AURKB: variants seen among roughly 807,000 people sequenced by gnomAD.
AURKB encodes aurora kinase B-Sv1.
A neutral mutation model predicts 36.5 loss-of-function variants in AURKB; 28 were observed. The observed-to-expected ratio is 0.77, with a 90% confidence interval of 0.57 to 1.05. The LOEUF (loss-of-function observed/expected upper bound fraction) is 1.05. Ranked by LOEUF, AURKB falls within the 50% of genes least tolerant of loss-of-function variation. The probability of loss-of-function intolerance (pLI) is 0.00; values close to 1 mark genes in which losing one functional copy is unlikely to be tolerated. For synonymous variants in AURKB, 175 were observed against 172.9 expected (o/e 1.01, Z -0.09); for missense variants, 383 against 447.4 (o/e 0.86, Z 1.30).
At chr17:8,207,053 A>G (rs970657376) in intron 5 of AURKB, 123 bp downstream of exon 5, 1 of 1,443,640 alleles carries the variant, frequency 6.9e-7, no homozygotes, top group Non-Finnish European at 9.3e-7. Flanking sequence ...TGCCAGGACT[A>G]AGAGCTAAAT....
chr17:8,206,875 G>A lies in AURKB; in HGVS notation c.412C>T (p.Leu138=), dbSNP rs764386543. ...IQAHLHHPNI[L]RLYNYFYDRR... ...TCATAAAAATAGTTGTAGAGACGCA[G>A]GATGTTGGGATGGCTGGGGGAAGAG... The change falls in exon 6 of 9, where the codon CTG becomes TTG. Residue 138 remains leucine (L), a synonymous_variant. Transcript: ENST00000585124. The surrounding 1 kb of genome is among the most constrained non-coding windows in gnomAD (Gnocchi z 4.2). 3.8e-5 allele frequency: 62 copies of A among 1,614,250 alleles called. No individual in the cohort carries two copies. The highest frequency in any genetic ancestry group is 5.3e-5 in the Non-Finnish European group (62 of 1,180,046).
Position 8,206,862 on chromosome 17 carries a change from T to A in AURKB, c.425A>T (p.Asn142Ile). The change falls in exon 6 of 9, where the codon AAC becomes ATC. Residue 142 changes from asparagine to isoleucine, a missense_variant. By Grantham distance (149) the Asn-to-Ile change is moderately radical. Around this residue, in one of 3 missense-constraint regions of AURKB, gnomAD observed 59 missense variants for 99.0 expected, o/e 0.60. Transcript: ENST00000585124. The surrounding 1 kb of genome is among the most constrained non-coding windows in gnomAD (Gnocchi z 4.2). ...LHHPNILRLY[N>I]YFYDRRRIYL... The stretch of plus-strand genomic sequence containing the variant: ...GATCCTCCTCCGGTCATAAAAATAG[T>A]TGTAGAGACGCAGGATGTTGGGATG... 1 of 1,614,156 alleles carries A rather than the reference T, an allele frequency of 6.2e-7. No individual in the cohort carries two copies. Among genetic ancestry groups the A allele is most frequent in the Non-Finnish European group, 8.5e-7 (1 of 1,180,034 alleles).
At chr17:8,207,026 T>G in intron 5 of AURKB, 138 bp from the exon 6 acceptor site, 1 of 1,474,608 alleles carries the variant, frequency 6.8e-7, no homozygotes, top group Non-Finnish European at 9.1e-7. Context: ...TGGAGGCAGA[T>G]TTCTGGATTC....
chr17:8,206,966 A>T lies in AURKB; in HGVS notation c.399-78T>A. ...AAGATGATAGGAGCAAACTGGGGTCAGACGTGGCCCAGGCCGGGGACACCA... is the reference window on the plus strand; with the variant it reads ...AAGATGATAGGAGCAAACTGGGGTCTGACGTGGCCCAGGCCGGGGACACCA... On this transcript the variant is annotated intron_variant, in intron 5 of 8. Coordinates refer to ENST00000585124, the MANE Select transcript of AURKB (RefSeq NM_004217.4). The surrounding 1 kb of genome is among the most constrained non-coding windows in gnomAD (Gnocchi z 4.2). 1.2e-6 allele frequency: 2 copies of T among 1,602,156 alleles called. No homozygotes were observed. Among genetic ancestry groups the T allele is most frequent in the Non-Finnish European group, 1.7e-6 (2 of 1,175,396 alleles).
chr17:8,209,732 T>G (rs999629801), intron 2 of AURKB, among the ~76,000 whole-genome samples: 1 of 152,236 alleles, frequency 6.6e-6, no homozygotes, highest in Non-Finnish European at 1.5e-5. Flanking sequence ...TTAGATCCAT[T>G]TAGATTCTTA....
At chr17:8,209,951 C>T in intron 2 of AURKB, 1 of 617,658 alleles carries the variant, frequency 1.6e-6, no homozygotes, top group East Asian at 2.8e-5. Context: ...CAGAGGTCCT[C>T]ACCAGCTGGG....
Position 8,206,570 on chromosome 17 carries a change from G to A in AURKB, c.607C>T (p.Pro203Ser). 1.9e-6 allele frequency: 3 copies of A among 1,614,180 alleles called. No individual in the cohort carries two copies. Among genetic ancestry groups the A allele is most frequent in the Non-Finnish European group, 2.5e-6 (3 of 1,180,034 alleles). The change falls in exon 7 of 9, where the codon CCA (proline) becomes TCA (serine). Residue 203 changes from proline (P) to serine (S), a missense_variant. Coordinates refer to ENST00000585124, the MANE Select transcript of AURKB (RefSeq NM_004217.4). The surrounding 1 kb of genome is among the most constrained non-coding windows in gnomAD (Gnocchi z 4.2). ...GKKVIHRDIK[P>S]ENLLLGLKGE... ...TTGAGCCCTAAGAGCAGATTTTCTG[G>A]CTTTATGTCTCTGTGAATCACCTTC...
chr17:8,210,157 G>A lies in AURKB; in HGVS notation c.48+20C>T, dbSNP rs774650659. 2 of 1,612,840 alleles carry A rather than the reference G, an allele frequency of 1.2e-6. No individual in the cohort carries two copies. The highest frequency in any genetic ancestry group is 1.1e-5 in the South Asian group (1 of 90,754). ...CCATGCGGGGTCATGGGGGCGCAGG[G>A]ACGGAGGGAAGGGCCTTACCGTCTG... On this transcript the variant is annotated intron_variant, in intron 2 of 8. Transcript: ENST00000585124.
intron 2 of AURKB, among the ~76,000 whole-genome samples, chr17:8,208,593 AAAAT>A (rs60763099): frequency 0.17 from 23,537 of 141,202 alleles, 2,258 homozygotes; most frequent in Non-Finnish European, 0.23. Flanking sequence ...TCCGTCTCAA[AAAAT>A]AAATAAATAA....
rs1397286109 is a variant in AURKB, at chr17:8,210,533, G to A, written c.-29C>T. The stretch of plus-strand genomic sequence containing the variant: ...CTGCGACAGGAGGCCAGCTCACCTG[G>A]GGTCCAAGGCACTGCTACTCTCCCG... On this transcript the variant is annotated 5_prime_UTR_variant, in exon 1 of 9. Transcript: ENST00000585124. The A allele has an allele frequency of 2.2e-6, 1 of 453,134 alleles. No individual in the cohort carries two copies. Among genetic ancestry groups the A allele is most frequent in the Non-Finnish European group, 3.9e-6 (1 of 254,462 alleles). The allele number at this position is 453,134 out of a possible 1,614,324, so 28.1% of individuals were successfully genotyped here. A position where few individuals can be genotyped will look rare whatever the true frequency, so the allele number is the denominator to read the frequency against.
At chr17:8,207,053 AAG>A (rs1985412061) in intron 5 of AURKB, 121 bp downstream of exon 5, 1 of 1,443,640 alleles carries the variant, frequency 6.9e-7, no homozygotes, top group African/African-American at 1.4e-5. Context: ...TGCCAGGACT[AAG>A]AGCTAAATGG....
Position 8,207,620 on chromosome 17 carries a change from G to C in AURKB, c.157C>G (p.Pro53Ala). The C allele has an allele frequency of 6.2e-7, 1 of 1,613,864 alleles. No homozygotes were observed. The highest frequency in any genetic ancestry group is 8.5e-7 in the Non-Finnish European group (1 of 1,179,876). ...CTATTCTCCATCACCTTCTGGCCAG[G>C]GGCAGCTAAGGAGAGAACAGGTAGG... ...SRSNVQPTAA[P>A]GQKVMENSSG... The change falls in exon 4 of 9, where the codon CCT (proline) becomes GCT (alanine). Residue 53 changes from proline (P) to alanine (A), a missense_variant. Pro to Ala is a conservative substitution (Grantham distance 27). Coordinates refer to ENST00000585124, the MANE Select transcript of AURKB (RefSeq NM_004217.4).
In AURKB at chr17:8,207,801, G is replaced by A. The variant is rs747826611; in HGVS notation, c.88C>T (p.Arg30Trp). Residue 30 changes from arginine to tryptophan, a missense_variant, in exon 3 of 9, where the codon CGG (arginine) becomes TGG (tryptophan). Arg to Trp is a moderately radical substitution (Grantham distance 101). Transcript: ENST00000585124. ...GCAGATGGGGTGACAGGCTCTTTCC[G>A]GAGGACTCGCTGGGGCAGGGTGCTC... ...GLSTLPQRVLRKEPVTPSALV... is the reference protein window; with the variant it reads ...GLSTLPQRVLWKEPVTPSALV... The A allele has an allele frequency of 2.3e-5, 37 of 1,613,864 alleles. No individual in the cohort carries two copies. The highest frequency in any genetic ancestry group is 1.6e-4 in the Middle Eastern group (1 of 6,082).
chr17:8,205,822 A>G (rs1460393509), intron 7 of AURKB, among the ~76,000 whole-genome samples: 1 of 152,084 alleles, frequency 6.6e-6, no homozygotes, highest in Non-Finnish European at 1.5e-5. Flanking sequence ...ATCTTGGCTC[A>G]CTGCAACCTC....
chr17:8,207,578 T>C lies in AURKB; in HGVS notation c.199A>G (p.Ile67Val), dbSNP rs767826491. ...CAGGCTTGGGGCACTTACGTTAAGA[T>C]GTCGGGTGTCCCACTGCTATTCTCC... is the stretch of plus-strand genomic sequence containing the variant. ...VMENSSGTPD[I>V]LTRHFTIDDF... The change falls in exon 4 of 9, where the codon ATC (isoleucine) becomes GTC (valine). Residue 67 changes from isoleucine to valine, a missense_variant. By Grantham distance (29) the Ile-to-Val change is conservative. Around this residue, in one of 3 missense-constraint regions of AURKB, gnomAD observed 105 missense variants for 95.7 expected, o/e 1.10. Coordinates refer to ENST00000585124, the MANE Select transcript of AURKB (RefSeq NM_004217.4). 1.2e-6 allele frequency: 2 copies of C among 1,613,476 alleles called. No homozygotes were observed. The highest frequency in any genetic ancestry group is 1.3e-5 in the African/African-American group (1 of 74,880).
chr17:8,206,872 G>A lies in AURKB; in HGVS notation c.415C>T (p.Arg139Cys), dbSNP rs761178783. The change falls in exon 6 of 9, where the codon CGT (arginine) becomes TGT (cysteine). Residue 139 changes from arginine (R) to cysteine (C), a missense_variant. Around this residue, in one of 3 missense-constraint regions of AURKB, gnomAD observed 59 missense variants for 99.0 expected, o/e 0.60. Transcript: ENST00000585124. This position sits in a 1 kb window ranked among gnomAD's most constrained non-coding sequence, Gnocchi z 4.2. The part of the protein sequence containing the change: ...QAHLHHPNIL[R>C]LYNYFYDRRR... ...CGGTCATAAAAATAGTTGTAGAGAC[G>A]CAGGATGTTGGGATGGCTGGGGGAA... 3 of 1,614,210 alleles carry A rather than the reference G, an allele frequency of 1.9e-6. No homozygotes were observed. The highest frequency in any genetic ancestry group is 2.5e-6 in the Non-Finnish European group (3 of 1,180,036).
intron 2 of AURKB, among the ~76,000 whole-genome samples, chr17:8,209,510 C>T (rs1475186301): frequency 6.6e-6 from 1 of 152,178 alleles, no homozygotes; most frequent in Non-Finnish European, 1.5e-5. Context: ...TGTGCAGGGC[C>T]CCTTCCTTCT....
chr17:8,206,164 T>C lies in AURKB; in HGVS notation c.686+327A>G. 6.9e-6 allele frequency among the ~76,000 whole-genome samples: 1 copy of C among 145,472 alleles called. No individual in the cohort carries two copies. Among genetic ancestry groups the C allele is most frequent in the African/African-American group, 2.6e-5 (1 of 39,032 alleles). On this transcript the variant is annotated intron_variant, in intron 7 of 8. Transcript: ENST00000585124. The surrounding 1 kb of genome is among the most constrained non-coding windows in gnomAD (Gnocchi z 4.2). The stretch of plus-strand genomic sequence containing the variant: ...TTTTTTTTTTGAGACAGAGTCTCGA[T>C]CTGTCACACAGGCTGGAGTGCAATG...
intron 7 of AURKB, among the ~76,000 whole-genome samples, chr17:8,205,811 G>A (rs555304030): frequency 6.6e-6 from 1 of 151,846 alleles, no homozygotes; most frequent in East Asian, 1.9e-4. Context: ...GCAGTGGGGC[G>A]ATCTTGGCTC....
Sources: allele counts gnomAD v4.1 joint callset (sites outside exome capture counted in the v4.1 genomes callset), GRCh38; gene constraint gnomAD v4.1.1; regional missense constraint gnomAD v4.1.1; non-coding constraint Gnocchi (gnomAD v3.1); transcripts MANE v1.5; gene names NCBI Gene and HGNC (gene_info 2026-07-23, HGNC 2026-07-21).